The following CNTNAP2 variants were observed in gnomAD, a reference collection of about 807,000 sequenced individuals.
CNTNAP2 encodes contactin associated protein 2.
Under a neutral mutation model 155.2 loss-of-function variants are expected in CNTNAP2, and 98 were observed. That is an observed-to-expected ratio of 0.63 (90% confidence interval 0.54 to 0.75). The LOEUF (loss-of-function observed/expected upper bound fraction) is 0.75. Among genes scored for constraint, CNTNAP2 ranks in the 30% least tolerant of loss-of-function variants. CNTNAP2 has a pLI of 0.00. For synonymous variants in CNTNAP2, 651 were observed against 631.2 expected, an observed-to-expected ratio of 1.03 and a Z score of -0.47; for missense variants, 1,727 against 1,688.1, an observed-to-expected ratio of 1.02 and a Z score of -0.40.
intron 2 of CNTNAP2, among the ~76,000 whole-genome samples, chr7:146,794,440 C>T (rs1802731716): frequency 2.6e-5 from 4 of 152,082 alleles, no homozygotes; most frequent in African/African-American, 9.7e-5. Flanking sequence ...TAATATACCT[C>T]ATTAAAAATA....
In CNTNAP2 at chr7:146,166,550, T is replaced by A. The variant is rs117491785; in HGVS notation, c.97+49577T>A. Among the ~76,000 whole-genome samples the A allele has an allele frequency of 6.9e-3, 1,044 of 152,338 alleles. 7 individuals carry two copies. The highest frequency in any genetic ancestry group is 0.012 in the Non-Finnish European group (797 of 68,036). On this transcript the variant is annotated intron_variant, in intron 1 of 23. Coordinates refer to ENST00000361727, the MANE Select transcript of CNTNAP2 (RefSeq NM_014141.6). ...TAACTTCATGAACTTACTTAAATGA[T>A]AATGCAAATGAAATACACTTAAAAA... is the stretch of plus-strand genomic sequence containing the variant.
chr7:147,432,917 C>T (rs780007230), intron 10 of CNTNAP2, among the ~76,000 whole-genome samples: 4 of 152,170 alleles, frequency 2.6e-5, no homozygotes, highest in African/African-American at 4.8e-5. Context: ...AATATGCATT[C>T]GCATGGTTAT....
chr7:147,617,135 C>T (rs1385388449), intron 12 of CNTNAP2, among the ~76,000 whole-genome samples: 1 of 152,152 alleles, frequency 6.6e-6, no homozygotes, highest in Non-Finnish European at 1.5e-5. Context: ...TTGCTCTTAT[C>T]ACCTTCTCCT....
intron 4 of CNTNAP2, among the ~76,000 whole-genome samples, chr7:147,078,798 G>A (rs1036833089): frequency 1.3e-5 from 2 of 151,098 alleles, no homozygotes; most frequent in Non-Finnish European, 2.9e-5. Context: ...CCCCCAGGCT[G>A]GAGTGCAGTG....
At chr7:146,618,488 AT>A (rs1363494999) in intron 1 of CNTNAP2, among the ~76,000 whole-genome samples, 1 of 152,174 alleles carries the variant, frequency 6.6e-6, no homozygotes, top group Non-Finnish European at 1.5e-5. Context: ...AGAGAGGAAT[AT>A]TGCCATAATT....
intron 13 of CNTNAP2, among the ~76,000 whole-genome samples, chr7:147,657,690 T>C (rs1795546431): frequency 6.6e-6 from 1 of 152,092 alleles, no homozygotes; most frequent in Non-Finnish European, 1.5e-5. Context: ...AGGATAAAGG[T>C]ATATAAAACA....
At chr7:147,757,473 G>A (rs1179565433) in intron 13 of CNTNAP2, among the ~76,000 whole-genome samples, 2 of 152,056 alleles carry the variant, frequency 1.3e-5, no homozygotes, top group African/African-American at 2.4e-5. Flanking sequence ...ATCTACAGGT[G>A]CTTCATGGCC....
At chr7:146,845,393 T>A (rs1337052963) in intron 3 of CNTNAP2, among the ~76,000 whole-genome samples, 1 of 152,226 alleles carries the variant, frequency 6.6e-6, no homozygotes, top group Non-Finnish European at 1.5e-5. Flanking sequence ...GAGATCTGAC[T>A]TTATTTCTCT....
chr7:146,125,481 C>T (rs1421794123), intron 1 of CNTNAP2, among the ~76,000 whole-genome samples: 1 of 144,394 alleles, frequency 6.9e-6, no homozygotes, highest in Non-Finnish European at 1.5e-5. Flanking sequence ...AAGGCTAAGG[C>T]AGGAGAATGG....
chr7:148,412,229 C>T (rs904632926), intron 23 of CNTNAP2, among the ~76,000 whole-genome samples: 11 of 152,208 alleles, frequency 7.2e-5, no homozygotes, highest in Admixed American at 1.3e-4. Flanking sequence ...TGTGAGCCAT[C>T]GCTCCCGGCC....
chr7:146,724,639 C>T (rs1408211850), intron 1 of CNTNAP2, among the ~76,000 whole-genome samples: 6 of 128,452 alleles, frequency 4.7e-5, no homozygotes, highest in Non-Finnish European at 9.3e-5. Context: ...GGTGAGATCT[C>T]TGCTCACCGC....
intron 21 of CNTNAP2, among the ~76,000 whole-genome samples, chr7:148,369,817 C>T (rs957273235): frequency 7.9e-5 from 12 of 152,070 alleles, no homozygotes; most frequent in Admixed American, 7.9e-4. Context: ...ACAGATATGT[C>T]TTCCAACTTT....
intron 15 of CNTNAP2, among the ~76,000 whole-genome samples, chr7:148,014,686 T>C (rs1802144126): frequency 6.6e-6 from 1 of 152,170 alleles, no homozygotes; most frequent in South Asian, 2.1e-4. Flanking sequence ...GAATGAACAG[T>C]TTTGAAATCC....
At chr7:146,438,913 T>A (rs1021851790) in intron 1 of CNTNAP2, among the ~76,000 whole-genome samples, 3 of 151,618 alleles carry the variant, frequency 2.0e-5, no homozygotes, top group African/African-American at 7.3e-5. Context: ...ATCCTGAGCA[T>A]AGATTTTAAT....
chr7:147,280,343 C>T (rs1471579487), intron 8 of CNTNAP2, among the ~76,000 whole-genome samples: 1 of 151,874 alleles, frequency 6.6e-6, no homozygotes, highest in Non-Finnish European at 1.5e-5. Flanking sequence ...AGAGGTCACA[C>T]ATCCTCCAGC....
At chr7:146,489,195 A>G (rs1161205267) in intron 1 of CNTNAP2, among the ~76,000 whole-genome samples, 1 of 152,180 alleles carries the variant, frequency 6.6e-6, no homozygotes, top group Non-Finnish European at 1.5e-5. Context: ...CCCTATAAAT[A>G]TGTACAAATA....
chr7:146,256,162 G>T (rs1376230160), intron 1 of CNTNAP2, among the ~76,000 whole-genome samples: 2 of 152,120 alleles, frequency 1.3e-5, no homozygotes, highest in East Asian at 3.9e-4. Flanking sequence ...GGTCTTCCTG[G>T]CCTTTTCATT....
chr7:147,051,188 A>G (rs1349769656), intron 4 of CNTNAP2, among the ~76,000 whole-genome samples: 2 of 128,756 alleles, frequency 1.6e-5, no homozygotes, highest in African/African-American at 7.8e-5. Context: ...ATATATGTAT[A>G]TATATATATA....
chr7:146,674,097 A>G (rs1800355112), intron 1 of CNTNAP2, among the ~76,000 whole-genome samples: 1 of 152,218 alleles, frequency 6.6e-6, no homozygotes, highest in Non-Finnish European at 1.5e-5. Flanking sequence ...GCGTAATGAA[A>G]GACTGACTGA....
Sources: gnomAD v4.1 joint callset for allele counts (sites outside exome capture counted in the v4.1 genomes callset) on GRCh38, gnomAD v4.1.1 for gene constraint, MANE v1.5 for transcripts, NCBI Gene and HGNC (gene_info 2026-07-23, HGNC 2026-07-21) for gene names.